RIT2: variants seen among roughly 807,000 people sequenced by gnomAD.
The protein encoded by RIT2 is Ras like without CAAX 2, also known as GTP-binding protein Rit2.
RIT2 carries 24 observed loss-of-function variants against 23.7 expected under a neutral mutation model. That is an observed-to-expected ratio of 1.01 (90% CI 0.73 to 1.43). The LOEUF is 1.43. RIT2 is among the 40% of genes most tolerant of loss of function. The pLI is 0.00. For missense variants in RIT2, 236 were observed against 266.9 expected (o/e 0.88, Z 0.81); for synonymous variants, 107 against 91.1 (o/e 1.17, Z -0.99).
intron 1 of RIT2, among the ~76,000 whole-genome samples, chr18:43,070,430 T>C (rs1187743689): frequency 6.6e-6 from 1 of 152,176 alleles, no homozygotes; most frequent in Non-Finnish European, 1.5e-5. Flanking sequence ...AAAGTGGTAA[T>C]AAGGAAGATG....
intron 4 of RIT2, among the ~76,000 whole-genome samples, chr18:42,863,981 A>C (rs1276163662): frequency 6.6e-6 from 1 of 152,004 alleles, no homozygotes; most frequent in Admixed American, 6.6e-5. Context: ...ATCATTAAGA[A>C]ATTGTTCTGG....
In RIT2 at chr18:42,744,894, T is replaced by A. The variant is rs576778348; in HGVS notation, c.427-1174A>T. Among the ~76,000 whole-genome samples, 5 of 152,328 alleles carry A rather than the reference T, an allele frequency of 3.3e-5. No homozygotes were observed. In the East Asian group the frequency reaches 9.6e-4, roughly 29 times the overall value. ...ATAAGTCTTTGGTGGCAGTTACCCA[T>A]GCTGTGGTTCATGCTGTTGTAATGG... On this transcript the variant is annotated intron_variant, in intron 4 of 4. Transcript: ENST00000326695.
intron 3 of RIT2, among the ~76,000 whole-genome samples, chr18:42,963,129 G>T (rs889900106): frequency 4.6e-5 from 7 of 152,074 alleles, no homozygotes; most frequent in Non-Finnish European, 7.4e-5. Flanking sequence ...GAGAGGTTTG[G>T]TTCCCCAAAT....
At chr18:43,101,349 CT>C (rs1568082611) in intron 1 of RIT2, among the ~76,000 whole-genome samples, 2 of 151,944 alleles carry the variant, frequency 1.3e-5, no homozygotes, top group African/African-American at 2.4e-5. Context: ...GCAGTGTAGT[CT>C]TTTTAAATTT....
At chr18:42,984,889 T>C (rs1003964222) in intron 2 of RIT2, among the ~76,000 whole-genome samples, 2 of 152,102 alleles carry the variant, frequency 1.3e-5, no homozygotes, top group South Asian at 2.1e-4. Flanking sequence ...ATACTCAGTA[T>C]CAACAGTTTT....
chr18:42,744,790 A>G (rs1298269671), intron 4 of RIT2, among the ~76,000 whole-genome samples: 1 of 152,190 alleles, frequency 6.6e-6, no homozygotes, highest in African/African-American at 2.4e-5. Context: ...CTATCAAAAG[A>G]AAATGAAAAG....
At chr18:43,022,957 T>G (rs1320469103) in intron 2 of RIT2, among the ~76,000 whole-genome samples, 1 of 152,082 alleles carries the variant, frequency 6.6e-6, no homozygotes, top group African/African-American at 2.4e-5. Flanking sequence ...TTTCTGGGAC[T>G]GAGTGAAATC....
chr18:43,102,566 T>C (rs1015976252), intron 1 of RIT2, among the ~76,000 whole-genome samples: 1 of 151,640 alleles, frequency 6.6e-6, no homozygotes. Flanking sequence ...TATCCTAATC[T>C]TTTGCTTTCA....
rs557433782 is a variant in RIT2, at chr18:42,850,621, T to C, written c.426+72951A>G. Among the ~76,000 whole-genome samples, 143 of 152,346 alleles carry C rather than the reference T, an allele frequency of 9.4e-4. No homozygotes were observed. The Middle Eastern group carries it at 0.014, about 14-fold the overall frequency. ...TTCTAGTGACAAAATTCAATGTTTA[T>C]AGAAAATGTTGAAGATATGTAAATA... On this transcript the variant is annotated intron_variant, in intron 4 of 4. Coordinates refer to ENST00000326695, the MANE Select transcript of RIT2 (RefSeq NM_002930.4).
rs562428211 is a variant in RIT2, at chr18:42,857,183, G to T, written c.426+66389C>A. Among the ~76,000 whole-genome samples the T allele has an allele frequency of 2.4e-4, 36 of 152,246 alleles. No individual in the cohort carries two copies. In the South Asian group the frequency reaches 7.3e-3, roughly 31 times the overall value. On this transcript the variant is annotated intron_variant, in intron 4 of 4. Coordinates refer to ENST00000326695, the MANE Select transcript of RIT2 (RefSeq NM_002930.4). ...ACTAGCATCTAGTCAGGAGAGGCCA[G>T]GGATATTGTGAAACATCCCACAAAC...
At chr18:42,904,774 A>G (rs1908566737) in intron 4 of RIT2, among the ~76,000 whole-genome samples, 1 of 152,158 alleles carries the variant, frequency 6.6e-6, no homozygotes, top group Non-Finnish European at 1.5e-5. Flanking sequence ...CAAAAGGCAG[A>G]TAATAATAGA....
intron 3 of RIT2, among the ~76,000 whole-genome samples, chr18:42,956,818 A>C (rs763371932): frequency 1.3e-5 from 2 of 152,152 alleles, no homozygotes; most frequent in African/African-American, 4.8e-5. Context: ...GAAAGTTTTG[A>C]TCTTGATATG....
chr18:43,029,498 C>G (rs925253521), intron 2 of RIT2, among the ~76,000 whole-genome samples: 1 of 151,918 alleles, frequency 6.6e-6, no homozygotes, highest in Admixed American at 6.6e-5. Context: ...GTCCTTAAAG[C>G]CAGTTTTTGT....
At chr18:42,877,442 G>A (rs1907771607) in intron 4 of RIT2, among the ~76,000 whole-genome samples, 1 of 149,156 alleles carries the variant, frequency 6.7e-6, no homozygotes. Context: ...CTTTGTGCTG[G>A]GTTCTGGTCT....
chr18:43,053,855 A>G (rs2144312988), intron 1 of RIT2, among the ~76,000 whole-genome samples: 1 of 152,214 alleles, frequency 6.6e-6, no homozygotes, highest in Non-Finnish European at 1.5e-5. Flanking sequence ...TTTAGATCTT[A>G]TATCCATTTA....
intron 1 of RIT2, among the ~76,000 whole-genome samples, chr18:43,097,254 G>T (rs1913575362): frequency 6.6e-6 from 1 of 151,866 alleles, no homozygotes; most frequent in African/African-American, 2.4e-5. Context: ...AGCTGCTGAG[G>T]ACCAGGGAGC....
At chr18:42,778,987 C>T (rs1913743604) in intron 4 of RIT2, among the ~76,000 whole-genome samples, 1 of 152,076 alleles carries the variant, frequency 6.6e-6, no homozygotes, top group African/African-American at 2.4e-5. Context: ...CCCTAGTAAC[C>T]CCCTTCCCCA....
At chr18:43,064,924 C>A (rs1470635260) in intron 1 of RIT2, among the ~76,000 whole-genome samples, 1 of 152,134 alleles carries the variant, frequency 6.6e-6, no homozygotes, top group Non-Finnish European at 1.5e-5. Context: ...TCAAGCAATT[C>A]TCCTGCCTCA....
intron 4 of RIT2, among the ~76,000 whole-genome samples, chr18:42,905,370 T>C (rs1197847156): frequency 2.6e-5 from 4 of 152,186 alleles, no homozygotes; most frequent in Non-Finnish European, 4.4e-5. Context: ...AAACTTGCTG[T>C]ATATATGTGA....
Sources: allele counts gnomAD v4.1 joint callset (sites outside exome capture counted in the v4.1 genomes callset), GRCh38; gene constraint gnomAD v4.1.1; transcripts MANE v1.5; gene names NCBI Gene and HGNC (gene_info 2026-07-23, HGNC 2026-07-21).